Variants in GAS7 observed in about 807,000 individuals in gnomAD.
GAS7 encodes growth arrest specific 7.
A neutral mutation model predicts 71.1 loss-of-function variants in GAS7; 28 were observed. The ratio of observed to expected loss-of-function variants is 0.39; its 90% confidence interval spans 0.29 to 0.54. The LOEUF is 0.54. GAS7 is among the 20% of genes least tolerant of loss of function. The pLI is 0.62. For synonymous variants in GAS7, 258 were observed against 245.8 expected (o/e 1.05, Z -0.46); for missense variants, 436 against 627.8 (o/e 0.69, Z 3.27).
intron 1 of GAS7, among the ~76,000 whole-genome samples, chr17:10,108,661 A>G (rs1009273950): frequency 9.2e-5 from 14 of 152,228 alleles, no homozygotes; most frequent in South Asian, 2.1e-4. Flanking sequence ...CAGAATAGAG[A>G]ATCCAGAAAT....
intron 11 of GAS7, among the ~76,000 whole-genome samples, chr17:9,922,837 T>C (rs976208680): frequency 6.6e-6 from 1 of 152,226 alleles, no homozygotes; most frequent in Non-Finnish European, 1.5e-5. Flanking sequence ...CTGTGGAATA[T>C]GGTTAGACCA....
Position 9,915,566 on chromosome 17 carries a change from T to C in GAS7, c.*1662A>G, listed in dbSNP as rs1052842264. On this transcript the variant is annotated 3_prime_UTR_variant, in exon 14 of 14. Coordinates refer to ENST00000432992, the MANE Select transcript of GAS7 (RefSeq NM_201433.2). ...CAACGTTTGGTTTACTTTAGTATAT[T>C]AGGCATTTTTCTAATGTGAACTATA... The C allele has an allele frequency of 6.7e-5, 15 of 225,274 alleles. No homozygotes were observed. Among genetic ancestry groups the C allele is most frequent in the African/African-American group, 3.3e-4 (15 of 44,892 alleles). The allele number at this position is 225,274 out of a possible 1,614,324, so 14.0% of individuals were successfully genotyped here.
intron 1 of GAS7, chr17:10,020,223 G>C (rs889741822): frequency 8.3e-6 from 2 of 242,080 alleles, no homozygotes; most frequent in African/African-American, 4.4e-5. Context: ...GCTTGCAAGG[G>C]GGCCCTGTCA....
At chr17:10,176,226 G>A (rs1042266171) in intron 1 of GAS7, among the ~76,000 whole-genome samples, 3 of 142,238 alleles carry the variant, frequency 2.1e-5, no homozygotes, top group Non-Finnish European at 4.7e-5. Context: ...GGACAGGGAG[G>A]AGGTCTTAGG....
At chr17:10,036,772 C>G in intron 1 of GAS7, 3 of 1,177,556 alleles carry the variant, frequency 2.5e-6, no homozygotes, top group Non-Finnish European at 3.2e-6. Flanking sequence ...TTTTCCCACT[C>G]TCCCTCTTTT....
chr17:9,955,374 C>A (rs573773035), intron 5 of GAS7, among the ~76,000 whole-genome samples: 6 of 152,372 alleles, frequency 3.9e-5, no homozygotes, highest in African/African-American at 1.4e-4. Flanking sequence ...AGCTTCACTG[C>A]CATCCTAAAG....
At chr17:9,933,567 G>A (rs776147041) in intron 9 of GAS7, among the ~76,000 whole-genome samples, 9 of 152,192 alleles carry the variant, frequency 5.9e-5, no homozygotes, top group African/African-American at 9.7e-5. Flanking sequence ...AATAGGCCAG[G>A]TATAGTGGCT....
intron 1 of GAS7, among the ~76,000 whole-genome samples, chr17:10,122,219 C>A (rs1417667504): frequency 1.3e-5 from 2 of 152,206 alleles, no homozygotes; most frequent in Non-Finnish European, 2.9e-5. Context: ...TCTGAAACTC[C>A]TAAGGCCCCA....
chr17:10,020,936 A>G (rs1055438003), intron 1 of GAS7, among the ~76,000 whole-genome samples: 22 of 152,068 alleles, frequency 1.4e-4, no homozygotes, highest in African/African-American at 4.6e-4. Context: ...AAAAATATAA[A>G]AACAAACAAA....
intron 1 of GAS7, among the ~76,000 whole-genome samples, chr17:10,072,500 CTG>C (rs1392868024): frequency 2.0e-5 from 3 of 152,184 alleles, no homozygotes; most frequent in East Asian, 1.9e-4. Flanking sequence ...GGCCAAGACT[CTG>C]TGTAGAGAAG....
At chr17:9,973,408 C>G (rs901424521) in intron 3 of GAS7, among the ~76,000 whole-genome samples, 3 of 152,098 alleles carry the variant, frequency 2.0e-5, no homozygotes, top group Admixed American at 2.0e-4. Context: ...CGCCCGCCAC[C>G]ATGCCCAGCT....
intron 1 of GAS7, among the ~76,000 whole-genome samples, chr17:10,024,514 T>A (rs1312915612): frequency 1.3e-5 from 2 of 152,054 alleles, no homozygotes; most frequent in Non-Finnish European, 2.9e-5. Flanking sequence ...AGATCAGAGG[T>A]AGCAGGATTT....
intron 1 of GAS7, among the ~76,000 whole-genome samples, chr17:10,170,100 C>T (rs1390510258): frequency 6.6e-6 from 1 of 152,130 alleles, no homozygotes; most frequent in African/African-American, 2.4e-5. Flanking sequence ...TCAGCTCTTG[C>T]TTATATTACT....
At chr17:10,121,196 C>G (rs896532925) in intron 1 of GAS7, among the ~76,000 whole-genome samples, 1 of 152,146 alleles carries the variant, frequency 6.6e-6, no homozygotes, top group East Asian at 1.9e-4. Context: ...GCCTGGCCAA[C>G]ATGGTGAAAC....
At chr17:9,968,238 T>G (rs571000616) in intron 4 of GAS7, among the ~76,000 whole-genome samples, 1 of 152,326 alleles carries the variant, frequency 6.6e-6, no homozygotes, top group African/African-American at 2.4e-5. Context: ...GGTTGATTCA[T>G]GATGGGTGAC....
At chr17:10,154,504 A>C (rs889764029) in intron 1 of GAS7, among the ~76,000 whole-genome samples, 3 of 151,642 alleles carry the variant, frequency 2.0e-5, no homozygotes, top group African/African-American at 7.3e-5. Context: ...GCCTTGTCTC[A>C]AGAAAAACAA....
intron 1 of GAS7, among the ~76,000 whole-genome samples, chr17:10,110,210 T>C (rs2073798020): frequency 6.6e-6 from 1 of 152,116 alleles, no homozygotes; most frequent in South Asian, 2.1e-4. Flanking sequence ...GGAATTCTAT[T>C]CAGCATGAAA....
chr17:9,931,743 G>A (rs2068215294), intron 9 of GAS7, among the ~76,000 whole-genome samples: 1 of 152,210 alleles, frequency 6.6e-6, no homozygotes, highest in Admixed American at 6.5e-5. Context: ...TTCACTGGCT[G>A]GGAATTCTCA....
intron 9 of GAS7, among the ~76,000 whole-genome samples, chr17:9,927,992 T>A (rs60375140): frequency 0.038 from 5,785 of 152,104 alleles, 288 homozygotes; most frequent in African/African-American, 0.094. Flanking sequence ...GGCATCAGGG[T>A]TTTAAGCTTT....
Sources: allele counts gnomAD v4.1 joint callset (sites outside exome capture counted in the v4.1 genomes callset), GRCh38; gene constraint gnomAD v4.1.1; transcripts MANE v1.5; gene names NCBI Gene and HGNC (gene_info 2026-07-23, HGNC 2026-07-21).